The following ANXA4 variants were observed in gnomAD, a reference collection of about 807,000 sequenced individuals.
The protein encoded by ANXA4 is 35-beta calcimedin.
ANXA4 carries 39 observed loss-of-function variants against 49.8 expected under a neutral mutation model. That is an observed-to-expected ratio of 0.78 (90% confidence interval 0.61 to 1.02). The LOEUF (loss-of-function observed/expected upper bound fraction) is 1.02, where lower values mean the gene tolerates loss of function less well. Ranked by LOEUF, ANXA4 falls within the 50% of genes least tolerant of loss-of-function variation. The probability of loss-of-function intolerance (pLI) is 0.00; values close to 1 mark genes in which losing one functional copy is unlikely to be tolerated. For missense variants in ANXA4, 360 were observed against 410.1 expected, an observed-to-expected ratio of 0.88 and a Z score of 1.05; for synonymous variants, 134 against 152.5, an observed-to-expected ratio of 0.88 and a Z score of 0.89.
chr2:69,698,906 A>G (rs1290263692), intron 2 of ANXA4, among the ~76,000 whole-genome samples: 1 of 152,218 alleles, frequency 6.6e-6, no homozygotes, highest in Admixed American at 6.5e-5. Context: ...GTTTATTTTT[A>G]TGCTTTGGAA....
At chr2:69,729,960 G>C (rs1312226751) in intron 3 of ANXA4, among the ~76,000 whole-genome samples, 2 of 152,228 alleles carry the variant, frequency 1.3e-5, no homozygotes, top group African/African-American at 4.8e-5. Flanking sequence ...TCCCTGCAAA[G>C]AGATTTGGAG....
chr2:69,662,567 T>G (rs1676760298), intron 2 of ANXA4, among the ~76,000 whole-genome samples: 1 of 152,200 alleles, frequency 6.6e-6, no homozygotes, highest in Non-Finnish European at 1.5e-5. Flanking sequence ...TCTACTGAGC[T>G]GCTTGGTATT....
At chr2:69,651,816 TTG>T (rs1491445594) in intron 1 of ANXA4, among the ~76,000 whole-genome samples, 3 of 18,810 alleles carry the variant, frequency 1.6e-4, no homozygotes, top group East Asian at 2.8e-3. Context: ...TTTTTTTTTT[TTG>T]GGGGGGGGGG....
intron 3 of ANXA4, among the ~76,000 whole-genome samples, chr2:69,788,436 A>AG (rs1371486027): frequency 6.6e-6 from 1 of 152,222 alleles, no homozygotes; most frequent in East Asian, 1.9e-4. Flanking sequence ...GCTACTTGGG[A>AG]GGCTGAGGCA....
At chr2:69,761,881 T>G (rs1671304718) in intron 1 of ANXA4, among the ~76,000 whole-genome samples, 1 of 152,154 alleles carries the variant, frequency 6.6e-6, no homozygotes, top group Admixed American at 6.5e-5. Flanking sequence ...CTGTAAAACT[T>G]CTTCAAATAA....
chr2:69,783,763 C>G (rs1458032275), intron 2 of ANXA4, among the ~76,000 whole-genome samples: 2 of 152,278 alleles, frequency 1.3e-5, no homozygotes, highest in Non-Finnish European at 2.9e-5. Context: ...AACTCCCCTT[C>G]CCACCCTCCA....
chr2:69,681,267 A>G (rs1677588155), intron 2 of ANXA4, among the ~76,000 whole-genome samples: 1 of 151,408 alleles, frequency 6.6e-6, no homozygotes, highest in Admixed American at 6.6e-5. Context: ...CATTTCCTCT[A>G]GGTTTTCCAG....
At chr2:69,814,787 TGTGTGTGAGAGAAA>T (rs1673899373) in intron 8 of ANXA4, 1 of 92,218 alleles carries the variant, frequency 1.1e-5, no homozygotes, top group African/African-American at 4.9e-5. Context: ...TGTGTGTGTG[TGTGTGTGAGAGAAA>T]GAGAGAGAGG....
intron 2 of ANXA4, among the ~76,000 whole-genome samples, chr2:69,720,297 C>T (rs1437864920): frequency 5.9e-5 from 9 of 152,340 alleles, no homozygotes; most frequent in Middle Eastern, 3.4e-3. Flanking sequence ...CAAATCCCCC[C>T]GGTCCCTCCT....
intron 2 of ANXA4, among the ~76,000 whole-genome samples, chr2:69,680,942 G>A (rs966907829): frequency 3.3e-5 from 5 of 151,986 alleles, no homozygotes; most frequent in South Asian, 2.1e-4. Context: ...TGTGTTCATC[G>A]GGGATAATGA....
upstream of ANXA4, among the ~76,000 whole-genome samples, chr2:69,741,368 T>C (rs959860656): frequency 1.1e-4 from 17 of 152,188 alleles, no homozygotes; most frequent in Admixed American, 4.6e-4. Context: ...GAAGCAGATA[T>C]GAAAACACAG....
rs1465438652 is a variant in ANXA4, at chr2:69,673,689, C to CACACAA, written n.766+20412_766+20413insAACACA. 2.0e-3 allele frequency among the ~76,000 whole-genome samples: 69 copies of CACACAA among 35,202 alleles called. 1 individual carries two copies. Among genetic ancestry groups the CACACAA allele is most frequent in the African/African-American group, 9.1e-3 (65 of 7,160 alleles). The allele number at this position is 35,202 out of a possible 152,430, so 23.1% of individuals were successfully genotyped here. A position where few individuals can be genotyped will look rare whatever the true frequency, so the allele number is the denominator to read the frequency against. ...AGAAAAGAAACATTTTTTTCAAAGA[C>CACACAA]ACACACACACACACACACACACACA... On this transcript the variant is annotated intron_variant and non_coding_transcript_variant, in intron 2 of 3. Coordinates refer to the ANXA4 transcript ENST00000418066.
intron 3 of ANXA4, among the ~76,000 whole-genome samples, chr2:69,799,676 G>A (rs115577664): frequency 0.059 from 8,918 of 152,164 alleles, 746 homozygotes; most frequent in Admixed American, 0.21. Flanking sequence ...TTCATGCTGG[G>A]TAGGTACAGT....
At chr2:69,824,028 A>G (rs975780206) in intron 12 of ANXA4, among the ~76,000 whole-genome samples, 3 of 152,144 alleles carry the variant, frequency 2.0e-5, no homozygotes, top group African/African-American at 7.2e-5. Flanking sequence ...GCAGTGAGCT[A>G]TGACCACACC....
chr2:69,656,551 C>CTTTT (rs34322550), intron 2 of ANXA4, among the ~76,000 whole-genome samples: 7 of 103,990 alleles, frequency 6.7e-5, no homozygotes, highest in Non-Finnish European at 1.1e-4. Flanking sequence ...ACAGTAGTTC[C>CTTTT]TTTTTTTTTT....
At chr2:69,652,688 G>A (rs1676296187) in intron 1 of ANXA4, among the ~76,000 whole-genome samples, 3 of 151,916 alleles carry the variant, frequency 2.0e-5, no homozygotes, top group Non-Finnish European at 2.9e-5. Flanking sequence ...GCGAAAACCC[G>A]TCTCTACTAA....
intron 2 of ANXA4, among the ~76,000 whole-genome samples, chr2:69,694,713 C>G (rs969537887): frequency 2.1e-4 from 32 of 152,050 alleles, no homozygotes; most frequent in African/African-American, 7.2e-4. Context: ...AATACCCAGT[C>G]TATGGCAGCT....
chr2:69,657,183 C>T (rs1027566708), intron 2 of ANXA4, among the ~76,000 whole-genome samples: 5 of 151,332 alleles, frequency 3.3e-5, no homozygotes, highest in Non-Finnish European at 5.9e-5. Context: ...TTAGTAGAAA[C>T]GGAGTTTCAC....
chr2:69,705,493 G>A (rs1430631591), intron 2 of ANXA4, among the ~76,000 whole-genome samples: 2 of 152,202 alleles, frequency 1.3e-5, no homozygotes, highest in African/African-American at 4.8e-5. Context: ...TCACCCTAAA[G>A]TGTAAGCTGC....
Sources: gnomAD v4.1 joint callset for allele counts (sites outside exome capture counted in the v4.1 genomes callset) on GRCh38, gnomAD v4.1.1 for gene constraint, MANE v1.5 for transcripts, NCBI Gene and HGNC (gene_info 2026-07-23, HGNC 2026-07-21) for gene names.